TRPM3: variants seen among roughly 807,000 people sequenced by gnomAD.
The protein encoded by TRPM3 is transient receptor potential cation channel subfamily M member 3, also known as long transient receptor potential channel 3.
In TRPM3, 77 loss-of-function variants were observed where a neutral mutation model predicts 181.2. The ratio of observed to expected loss-of-function variants is 0.42; its 90% CI spans 0.35 to 0.51. The LOEUF is 0.51. Ranked by LOEUF, TRPM3 falls within the 20% of genes least tolerant of loss-of-function variation. The pLI is 0.01. For missense variants in TRPM3, 1,759 were observed against 2,196.7 expected (o/e 0.80, Z 3.98); for synonymous variants, 745 against 796.4 (o/e 0.94, Z 1.09).
At chr9:70,992,968 A>G (rs879517597) in intron 1 of TRPM3, among the ~76,000 whole-genome samples, 4 of 152,112 alleles carry the variant, frequency 2.6e-5, no homozygotes, top group Non-Finnish European at 4.4e-5. Flanking sequence ...ATGATAGGAG[A>G]ACTCTAGGCA....
At position 71,214,970 on chromosome 9, in the gene TRPM3, T is replaced by G. The variant is rs561793695; in HGVS notation, c.183+231683A>C. Among the ~76,000 whole-genome samples the G allele has an allele frequency of 6.5e-4, 98 of 150,710 alleles. 1 individual carries two copies. The highest frequency in any genetic ancestry group is 2.2e-3 in the African/African-American group (92 of 41,068). On this transcript the variant is annotated intron_variant, in intron 1 of 24. Transcript: ENST00000357533. ...GAAGCCTCTTCACTACTGTCATGAT[T>G]CTATCATTTTTTTGTTTATTTACTT...
chr9:70,965,088 T>C (rs532797390), intron 1 of TRPM3, among the ~76,000 whole-genome samples: 2 of 152,156 alleles, frequency 1.3e-5, no homozygotes, highest in East Asian at 3.9e-4. Context: ...CCAGAATAGC[T>C]ACAGTGTCAT....
chr9:71,020,453 G>A (rs1381291602), intron 1 of TRPM3, among the ~76,000 whole-genome samples: 1 of 151,080 alleles, frequency 6.6e-6, no homozygotes, highest in Non-Finnish European at 1.5e-5. Context: ...ACTCAGCCTA[G>A]GTGACAGAGC....
chr9:71,291,195 C>A (rs1450331699), intron 1 of TRPM3, among the ~76,000 whole-genome samples: 1 of 152,092 alleles, frequency 6.6e-6, no homozygotes, highest in East Asian at 1.9e-4. Flanking sequence ...AAACTGAAAT[C>A]TTAAAATACA....
intron 1 of TRPM3, among the ~76,000 whole-genome samples, chr9:70,912,714 T>C (rs1228924416): frequency 6.6e-6 from 1 of 152,048 alleles, no homozygotes; most frequent in African/African-American, 2.4e-5. Flanking sequence ...GAAAACACAA[T>C]ACATGATGAG....
chr9:70,810,927 A>G (rs2091904776), intron 6 of TRPM3, among the ~76,000 whole-genome samples: 2 of 152,134 alleles, frequency 1.3e-5, no homozygotes, highest in African/African-American at 4.8e-5. Flanking sequence ...AACCTAAATA[A>G]ATGCTCATTC....
At chr9:70,929,833 AC>A (rs1430508802) in intron 1 of TRPM3, among the ~76,000 whole-genome samples, 3 of 152,010 alleles carry the variant, frequency 2.0e-5, no homozygotes, top group Non-Finnish European at 2.9e-5. Flanking sequence ...CCTCCTCCTT[AC>A]CCCTGCCTCT....
chr9:70,784,042 A>C (rs1311104999), intron 7 of TRPM3, 63 bp downstream of exon 7: 1 of 1,548,582 alleles, frequency 6.5e-7, no homozygotes, highest in East Asian at 2.3e-5. Context: ...AACATAATCC[A>C]CTCATACCCT....
At chr9:70,577,923 C>G (rs2054471974) in intron 22 of TRPM3, among the ~76,000 whole-genome samples, 2 of 152,180 alleles carry the variant, frequency 1.3e-5, no homozygotes, top group Admixed American at 1.3e-4. Context: ...CAGCAACCGG[C>G]TTTCTTGTAA....
rs138150033 is a variant in TRPM3, at chr9:71,380,954, C to T, written c.183+65699G>A. 9.6e-4 allele frequency among the ~76,000 whole-genome samples: 145 copies of T among 151,326 alleles called. 2 individuals carry two copies. Among genetic ancestry groups the T allele is most frequent in the South Asian group, 6.0e-3 (29 of 4,796 alleles). ...GAAGACGACGACAAAATGAAGACGA[C>T]GACAAAATGAAGATCTGGAACCACT... On this transcript the variant is annotated intron_variant, in intron 1 of 24. Coordinates refer to the TRPM3 transcript ENST00000357533.
chr9:71,159,304 C>T (rs550725629), intron 1 of TRPM3, among the ~76,000 whole-genome samples: 17 of 151,938 alleles, frequency 1.1e-4, no homozygotes, highest in African/African-American at 3.1e-4. Context: ...CAGTATTGAA[C>T]GCAATGATCT....
intron 1 of TRPM3, among the ~76,000 whole-genome samples, chr9:71,386,402 T>C (rs1292964526): frequency 6.6e-6 from 1 of 151,548 alleles, no homozygotes; most frequent in Non-Finnish European, 1.5e-5. Flanking sequence ...TGAGCTGAGA[T>C]TGCACTACTG....
chr9:70,960,566 G>A (rs1358556253), intron 1 of TRPM3, among the ~76,000 whole-genome samples: 1 of 152,160 alleles, frequency 6.6e-6, no homozygotes, highest in African/African-American at 2.4e-5. Flanking sequence ...TGCTTAAAGA[G>A]CGATGTTGTA....
chr9:70,616,620 T>C (rs566421171), intron 17 of TRPM3, among the ~76,000 whole-genome samples: 1 of 146,626 alleles, frequency 6.8e-6, no homozygotes, highest in East Asian at 2.0e-4. Flanking sequence ...AGAGAATACA[T>C]GTAGGAAAGC....
chr9:70,692,846 C>G (rs749915803), intron 8 of TRPM3, among the ~76,000 whole-genome samples: 3 of 151,546 alleles, frequency 2.0e-5, no homozygotes, highest in Non-Finnish European at 4.4e-5. Flanking sequence ...CAAATGAAAT[C>G]ATTCAGTGAA....
chr9:70,606,637 G>GTA (rs1427264757), intron 19 of TRPM3, among the ~76,000 whole-genome samples: 3 of 61,212 alleles, frequency 4.9e-5, no homozygotes, highest in Non-Finnish European at 8.9e-5. Context: ...AATTGTGTGT[G>GTA]TGTGTGTGTG....
chr9:71,098,442 G>A (rs190130522), intron 1 of TRPM3, among the ~76,000 whole-genome samples: 50 of 152,216 alleles, frequency 3.3e-4, no homozygotes, highest in African/African-American at 1.1e-3. Flanking sequence ...GGTGTTTTCC[G>A]GTTTAACATA....
At chr9:70,576,687 G>A (rs941530574) in intron 22 of TRPM3, among the ~76,000 whole-genome samples, 1 of 151,886 alleles carries the variant, frequency 6.6e-6, no homozygotes, top group Non-Finnish European at 1.5e-5. Flanking sequence ...GCTAATTTTT[G>A]TATTTTTAGT....
intron 1 of TRPM3, among the ~76,000 whole-genome samples, chr9:71,151,105 C>T (rs1338578867): frequency 2.0e-5 from 3 of 152,176 alleles, no homozygotes; most frequent in Admixed American, 6.5e-5. Context: ...TGTGTGTGTG[C>T]GCGTGCATGC....
Sources: allele counts gnomAD v4.1 joint callset (sites outside exome capture counted in the v4.1 genomes callset), GRCh38; gene constraint gnomAD v4.1.1; transcripts MANE v1.5; gene names NCBI Gene and HGNC (gene_info 2026-07-23, HGNC 2026-07-21).